Variants in PCDHGB5 observed in about 807,000 individuals in gnomAD.
PCDHGB5 encodes protocadherin gamma subfamily B, 5.
Under a neutral mutation model 62.9 loss-of-function variants are expected in PCDHGB5, and 48 were observed. The ratio of observed to expected loss-of-function variants is 0.76; its 90% CI spans 0.61 to 0.97. PCDHGB5 has a LOEUF of 0.97. Ranked by LOEUF, PCDHGB5 falls within the 50% of genes least tolerant of loss-of-function variation. The pLI is 0.00. For synonymous variants in PCDHGB5, 474 were observed against 511.2 expected, an observed-to-expected ratio of 0.93 and a Z score of 0.98; for missense variants, 1,118 against 1,198.6, an observed-to-expected ratio of 0.93 and a Z score of 0.99.
At chr5:141,455,282 A>C (rs1307886349) in intron 1 of PCDHGB5, among the ~76,000 whole-genome samples, 1 of 152,056 alleles carries the variant, frequency 6.6e-6, no homozygotes, top group Non-Finnish European at 1.5e-5. Flanking sequence ...TATTAACATC[A>C]CTTTACATAG....
chr5:141,424,184 C>A, intron 1 of PCDHGB5: 1 of 199,136 alleles, frequency 5.0e-6, no homozygotes, highest in Non-Finnish European at 9.9e-6. Context: ...TACACATGCA[C>A]ACACACTTAT....
rs151208588 is a variant in PCDHGB5, at chr5:141,398,036, A to C, written c.-92A>C. 1.4e-6 allele frequency: 2 copies of C among 1,478,020 alleles called. No individual in the cohort carries two copies. The highest frequency in any genetic ancestry group is 2.8e-5 in the African/African-American group (2 of 71,206). 91.6% of individuals were successfully genotyped at this position (1,478,020 alleles called of 1,614,324 possible). ...TTTCCTAAACTGGAACTGGAACTAA[A>C]GCCCGTTCGGAGATCCAAAAATCTA... On this transcript the variant is annotated 5_prime_UTR_variant, in exon 1 of 4. Coordinates refer to ENST00000617380, the MANE Select transcript of PCDHGB5 (RefSeq NM_018925.3).
At chr5:141,480,871 C>T (rs1262582761) in intron 1 of PCDHGB5, among the ~76,000 whole-genome samples, 1 of 151,930 alleles carries the variant, frequency 6.6e-6, no homozygotes, top group Non-Finnish European at 1.5e-5. Context: ...ATGGTGAAAC[C>T]CCGTCTCTAC....
chr5:141,420,804 G>C (rs1283868316), intron 1 of PCDHGB5, among the ~76,000 whole-genome samples: 1 of 152,188 alleles, frequency 6.6e-6, no homozygotes, highest in Non-Finnish European at 1.5e-5. Context: ...TAAAAATTAA[G>C]CAAGCCCTTT....
intron 1 of PCDHGB5, among the ~76,000 whole-genome samples, chr5:141,463,179 A>G (rs1261927835): frequency 6.6e-6 from 1 of 152,082 alleles, no homozygotes; most frequent in Non-Finnish European, 1.5e-5. Context: ...GTATGCTCAG[A>G]TTATTATTTA....
At chr5:141,453,475 A>C (rs2098766452) in intron 1 of PCDHGB5, among the ~76,000 whole-genome samples, 1 of 151,996 alleles carries the variant, frequency 6.6e-6, no homozygotes, top group Non-Finnish European at 1.5e-5. Context: ...ATAAAGTCAA[A>C]ACTATTAAAA....
intron 1 of PCDHGB5, chr5:141,468,586 G>C (rs1232477889): frequency 1.3e-5 from 2 of 152,176 alleles, no homozygotes; most frequent in East Asian, 1.9e-4. Context: ...GGTACTAAAG[G>C]CTGGGCGCGG....
intron 1 of PCDHGB5, among the ~76,000 whole-genome samples, chr5:141,472,352 T>G (rs1364883510): frequency 6.6e-6 from 1 of 151,718 alleles, no homozygotes; most frequent in Non-Finnish European, 1.5e-5. Context: ...CCATCCTGGC[T>G]AACACGGTGA....
Position 141,489,714 on chromosome 5 carries a change from G to C in PCDHGB5, c.2398-5093G>C, listed in dbSNP as rs770143357. On this transcript the variant is annotated intron_variant, in intron 1 of 3. Coordinates refer to ENST00000617380, the MANE Select transcript of PCDHGB5 (RefSeq NM_018925.3). The surrounding 1 kb of genome is among the most constrained non-coding windows in gnomAD (Gnocchi z 4.5). Reference sequence around the variant, plus strand: ...CACGATTCCCACTGGACAGTGCCCAGGATCCGGATGTGGGCACCAATACTG... The same window carrying C: ...CACGATTCCCACTGGACAGTGCCCACGATCCGGATGTGGGCACCAATACTG... 7.4e-6 allele frequency: 12 copies of C among 1,613,958 alleles called. No individual in the cohort carries two copies. The highest frequency in any genetic ancestry group is 1.0e-5 in the Non-Finnish European group (12 of 1,179,930).
intron 2 of PCDHGB5, among the ~76,000 whole-genome samples, chr5:141,499,689 CTTTTT>C (rs545067566): frequency 3.3e-5 from 4 of 119,852 alleles, no homozygotes; most frequent in Non-Finnish European, 3.5e-5. Flanking sequence ...TAACAGATGA[CTTTTT>C]TTTTTTTTTT....
intron 1 of PCDHGB5, chr5:141,478,753 G>A (rs2099475642): frequency 2.0e-6 from 3 of 1,519,424 alleles, no homozygotes; most frequent in Admixed American, 2.1e-5. Context: ...ATTTCAGGGG[G>A]AAGATACTTG....
At chr5:141,502,907 G>C (rs1335363561) in intron 2 of PCDHGB5, among the ~76,000 whole-genome samples, 2 of 138,924 alleles carry the variant, frequency 1.4e-5, no homozygotes, top group Non-Finnish European at 3.0e-5. Context: ...CTGTTGCCAG[G>C]CTGGAGTGCA....
chr5:141,482,753 G>A (rs2154579665), intron 1 of PCDHGB5, among the ~76,000 whole-genome samples: 1 of 127,136 alleles, frequency 7.9e-6, no homozygotes. Context: ...GAGGGATTAT[G>A]GTATTTCATT....
chr5:141,413,967 G>C, intron 1 of PCDHGB5: 15 of 1,613,428 alleles, frequency 9.3e-6, no homozygotes, highest in Non-Finnish European at 1.2e-5. Context: ...TGGGCACTCA[G>C]CTGCTGACAG....
In PCDHGB5 at chr5:141,421,624, A is replaced by G; in HGVS notation, c.2397+21100A>G. On this transcript the variant is annotated intron_variant, in intron 1 of 3. Transcript: ENST00000617380. ...AATAGATATTAATGATAACGCCCCC[A>G]GCTTCCAGGAGGACGAAGTGGAGAT... 2.5e-6 allele frequency: 4 copies of G among 1,613,872 alleles called. No homozygotes were observed. The South Asian group carries it at 3.3e-5, about 13-fold the overall frequency.
intron 1 of PCDHGB5, among the ~76,000 whole-genome samples, chr5:141,463,797 T>C (rs58523023): frequency 0.28 from 42,459 of 152,012 alleles, 6,656 homozygotes; most frequent in African/African-American, 0.43. Flanking sequence ...TGAACAAATG[T>C]CTAAAAGCTT....
intron 1 of PCDHGB5, chr5:141,429,167 T>TATAC (rs1240034860): frequency 3.1e-4 from 42 of 136,210 alleles, no homozygotes; most frequent in African/African-American, 7.0e-4. Flanking sequence ...AGACATTGTT[T>TATAC]ATACACACAC....
chr5:141,497,614 A>G (rs1377740795), intron 2 of PCDHGB5, among the ~76,000 whole-genome samples: 1 of 146,530 alleles, frequency 6.8e-6, no homozygotes, highest in Admixed American at 7.0e-5. Context: ...ATCTTGGCTC[A>G]CTGCAACCTC....
At chr5:141,478,142 G>C in intron 1 of PCDHGB5, 1 of 1,613,988 alleles carries the variant, frequency 6.2e-7, no homozygotes, top group South Asian at 1.1e-5. Flanking sequence ...AGCCCGAGCC[G>C]AGTTCCCCTC....
Sources: allele counts gnomAD v4.1 joint callset (sites outside exome capture counted in the v4.1 genomes callset), GRCh38; gene constraint gnomAD v4.1.1; non-coding constraint Gnocchi (gnomAD v3.1); transcripts MANE v1.5; gene names NCBI Gene and HGNC (gene_info 2026-07-23, HGNC 2026-07-21).